TTC7B: variants seen among roughly 807,000 people sequenced by gnomAD.
TTC7B encodes tetratricopeptide repeat domain 7B.
TTC7B carries 28 observed loss-of-function variants against 106.8 expected under a neutral mutation model. The ratio of observed to expected loss-of-function variants is 0.26; its 90% CI spans 0.19 to 0.36. The LOEUF is 0.36. Among genes scored for constraint, TTC7B ranks in the 10% least tolerant of loss-of-function variants. The probability of loss-of-function intolerance (pLI) is 1.00; values close to 1 mark genes in which losing one functional copy is unlikely to be tolerated. For missense variants in TTC7B, 862 were observed against 1,076.4 expected (o/e 0.80, Z 2.79); for synonymous variants, 405 against 430.6 (o/e 0.94, Z 0.74).
At chr14:90,590,167 G>C (rs1229003645) in intron 18 of TTC7B, among the ~76,000 whole-genome samples, 3 of 152,178 alleles carry the variant, frequency 2.0e-5, no homozygotes, top group African/African-American at 7.2e-5. Context: ...ATGGAAGGGA[G>C]CACCTATCAT....
At chr14:90,623,967 A>G (rs1884323888) in intron 15 of TTC7B, among the ~76,000 whole-genome samples, 1 of 152,186 alleles carries the variant, frequency 6.6e-6, no homozygotes, top group Non-Finnish European at 1.5e-5. Flanking sequence ...GTTGCAGTGA[A>G]CCAAGATGGC....
chr14:90,765,325 G>A (rs1482010672), intron 3 of TTC7B, among the ~76,000 whole-genome samples: 1 of 152,164 alleles, frequency 6.6e-6, no homozygotes, highest in African/African-American at 2.4e-5. Context: ...TCAGGAAATG[G>A]GAAGTGACTG....
At chr14:90,607,764 T>G (rs189907015) in intron 17 of TTC7B, among the ~76,000 whole-genome samples, 14 of 152,296 alleles carry the variant, frequency 9.2e-5, no homozygotes, top group Admixed American at 1.3e-4. Context: ...TCTCCACAGA[T>G]GGGTATGGAG....
intron 1 of TTC7B, among the ~76,000 whole-genome samples, chr14:90,809,564 G>A (rs1239089681): frequency 6.6e-6 from 1 of 152,252 alleles, no homozygotes; most frequent in Non-Finnish European, 1.5e-5. Context: ...CAACCCCAAG[G>A]GCAAACACTT....
chr14:90,778,774 A>G (rs1370580705), intron 3 of TTC7B, among the ~76,000 whole-genome samples: 1 of 152,226 alleles, frequency 6.6e-6, no homozygotes, highest in African/African-American at 2.4e-5. Flanking sequence ...AAACTGCCAG[A>G]GTGCCCTGTC....
At chr14:90,617,018 G>C (rs1044765248) in intron 16 of TTC7B, among the ~76,000 whole-genome samples, 1 of 152,178 alleles carries the variant, frequency 6.6e-6, no homozygotes, top group Non-Finnish European at 1.5e-5. Context: ...CATATGCAAG[G>C]GAAAACTGTG....
Position 90,578,127 on chromosome 14 carries a change from G to T in TTC7B, c.2289C>A (p.His763Gln), listed in dbSNP as rs538193691. ...TCACCAGTCGCTGCATGCTCTTCACGTGGGTGGGGCTGATGGCTAAGGCCT... is the reference window on the plus strand; with the variant it reads ...TCACCAGTCGCTGCATGCTCTTCACTTGGGTGGGGCTGATGGCTAAGGCCT... ...YEEALAISPT[H>Q]VKSMQRLALI... is the part of the protein sequence containing the mutation. The change falls in exon 19 of 20, where the codon CAC becomes CAA. Residue 763 changes from histidine to glutamine, a missense_variant. Transcript: ENST00000328459. The surrounding 1 kb of genome is among the most constrained non-coding windows in gnomAD (Gnocchi z 4.7). The T allele has an allele frequency of 6.2e-7, 1 of 1,611,706 alleles. No individual in the cohort carries two copies. Among genetic ancestry groups the T allele is most frequent in the East Asian group, 2.2e-5 (1 of 44,836 alleles).
intron 5 of TTC7B, among the ~76,000 whole-genome samples, chr14:90,699,672 C>T (rs1255847540): frequency 6.6e-6 from 1 of 152,186 alleles, no homozygotes; most frequent in African/African-American, 2.4e-5. Flanking sequence ...TAAGTCAACC[C>T]AGTAGATCTC....
chr14:90,735,872 A>G (rs547257504), intron 4 of TTC7B, among the ~76,000 whole-genome samples: 19 of 152,288 alleles, frequency 1.2e-4, no homozygotes, highest in African/African-American at 4.3e-4. Flanking sequence ...CAACAAAATT[A>G]TTCTAAAATT....
intron 1 of TTC7B, among the ~76,000 whole-genome samples, chr14:90,803,121 T>C (rs2030379675): frequency 6.6e-6 from 1 of 150,938 alleles, no homozygotes; most frequent in Non-Finnish European, 1.5e-5. Context: ...CCAGCCTGGG[T>C]GACAGAGCGA....
chr14:90,648,647 C>T (rs1885578346), intron 13 of TTC7B: 1 of 152,260 alleles, frequency 6.6e-6, no homozygotes, highest in African/African-American at 2.4e-5. Context: ...CCACCACGCC[C>T]AGCTACTAAA....
chr14:90,799,125 C>T (rs1026816991), intron 1 of TTC7B, among the ~76,000 whole-genome samples: 3 of 152,122 alleles, frequency 2.0e-5, no homozygotes, highest in Non-Finnish European at 2.9e-5. Context: ...CTCACGCACC[C>T]GTGCTCCAGG....
intron 18 of TTC7B, among the ~76,000 whole-genome samples, chr14:90,586,651 T>C (rs982041707): frequency 6.6e-6 from 1 of 152,178 alleles, no homozygotes; most frequent in African/African-American, 2.4e-5. Context: ...TCTTAGGCCG[T>C]CTTAGCACCT....
intron 9 of TTC7B, among the ~76,000 whole-genome samples, chr14:90,669,190 T>C (rs1330867578): frequency 1.3e-5 from 2 of 152,044 alleles, no homozygotes; most frequent in African/African-American, 2.4e-5. Flanking sequence ...GACTCCTACC[T>C]CACACCATAT....
chr14:90,608,248 A>T lies in TTC7B; in HGVS notation c.1966+2494T>A, dbSNP rs1454576011. Among the ~76,000 whole-genome samples, 1 of 152,298 alleles carries T rather than the reference A, an allele frequency of 6.6e-6. No individual in the cohort carries two copies. Among genetic ancestry groups the T allele is most frequent in the East Asian group, 1.9e-4 (1 of 5,190 alleles). On this transcript the variant is annotated intron_variant, in intron 17 of 19. Transcript: ENST00000328459. This position sits in a 1 kb window ranked among gnomAD's most constrained non-coding sequence, Gnocchi z 5.1. ...CAACGTGTAAGTTTCTTTGATTGAC[A>T]CTGTCATTTCAGAATATTTTACCCT... is the stretch of plus-strand genomic sequence containing the variant.
At chr14:90,645,392 G>A (rs1232097247) in intron 14 of TTC7B, among the ~76,000 whole-genome samples, 1 of 152,202 alleles carries the variant, frequency 6.6e-6, no homozygotes, top group East Asian at 1.9e-4. Flanking sequence ...GGAGGAAGCT[G>A]AAGTCCCGGG....
At chr14:90,806,848 A>G (rs1161570795) in intron 1 of TTC7B, among the ~76,000 whole-genome samples, 1 of 152,124 alleles carries the variant, frequency 6.6e-6, no homozygotes, top group African/African-American at 2.4e-5. Context: ...TTGAGGCTGC[A>G]CTGAGCCGTG....
At chr14:90,803,687 T>C (rs1469245738) in intron 1 of TTC7B, among the ~76,000 whole-genome samples, 2 of 145,588 alleles carry the variant, frequency 1.4e-5, no homozygotes, top group African/African-American at 5.1e-5. Flanking sequence ...CCAGGCTTCA[T>C]GCCAAGCCTC....
In TTC7B at chr14:90,746,569, G is replaced by A. The variant is rs189030044; in HGVS notation, c.446-1647C>T. 7.2e-5 allele frequency among the ~76,000 whole-genome samples: 11 copies of A among 151,994 alleles called. 1 individual carries two copies. The South Asian group carries it at 1.0e-3, about 14-fold the overall frequency. ...TTTTCTCTATCCTTCTTCTGTTTTCGATTTCATTTATTTCCACTCTGATCT... is the reference window on the plus strand; with the variant it reads ...TTTTCTCTATCCTTCTTCTGTTTTCAATTTCATTTATTTCCACTCTGATCT... On this transcript the variant is annotated intron_variant, in intron 3 of 19. Transcript: ENST00000328459.
Sources: gnomAD v4.1 joint callset for allele counts (sites outside exome capture counted in the v4.1 genomes callset) on GRCh38, gnomAD v4.1.1 for gene constraint, Gnocchi (gnomAD v3.1) non-coding constraint, MANE v1.5 for transcripts, NCBI Gene and HGNC (gene_info 2026-07-23, HGNC 2026-07-21) for gene names.